The following EXOC6B variants were observed in gnomAD, a reference collection of about 807,000 sequenced individuals.
The protein encoded by EXOC6B is SEC15 homolog B.
A neutral mutation model predicts 113.5 loss-of-function variants in EXOC6B; 54 were observed. The observed-to-expected ratio is 0.48, with a 90% confidence interval of 0.38 to 0.60. The LOEUF (loss-of-function observed/expected upper bound fraction) is 0.60. Ranked by LOEUF, EXOC6B falls within the 20% of genes least tolerant of loss-of-function variation. EXOC6B has a pLI of 0.00. For missense variants in EXOC6B, 797 were observed against 977.5 expected (o/e 0.82, Z 2.46); for synonymous variants, 357 against 339.0 (o/e 1.05, Z -0.58).
At chr2:72,582,157 A>G (rs1311965591) in intron 6 of EXOC6B, among the ~76,000 whole-genome samples, 1 of 152,074 alleles carries the variant, frequency 6.6e-6, no homozygotes, top group Non-Finnish European at 1.5e-5. Flanking sequence ...GGTGAAAGAG[A>G]AGGGGAAATA....
At position 72,465,793 on chromosome 2, in the gene EXOC6B, C is replaced by T. The variant is rs192427572; in HGVS notation, c.1801-454G>A. On this transcript the variant is annotated intron_variant, in intron 17 of 21. Transcript: ENST00000272427. ...TACCTGCCACCACATTCAATATTCACTTTCATTCTGATCTTCCTTAACTTC... is the reference window on the plus strand; with the variant it reads ...TACCTGCCACCACATTCAATATTCATTTTCATTCTGATCTTCCTTAACTTC... 4.4e-3 allele frequency among the ~76,000 whole-genome samples: 667 copies of T among 152,276 alleles called. 3 individuals carry two copies. Among genetic ancestry groups the T allele is most frequent in the African/African-American group, 0.015 (632 of 41,564 alleles).
intron 6 of EXOC6B, among the ~76,000 whole-genome samples, chr2:72,600,321 A>G (rs533308763): frequency 1.3e-5 from 2 of 151,870 alleles, no homozygotes; most frequent in South Asian, 4.2e-4. Context: ...TACACCTGTT[A>G]GTCCCAGCTA....
intron 20 of EXOC6B, among the ~76,000 whole-genome samples, chr2:72,287,982 G>T (rs905599772): frequency 6.6e-6 from 1 of 152,002 alleles, no homozygotes; most frequent in Admixed American, 6.5e-5. Flanking sequence ...ACCTGAAAAG[G>T]CTATTTTATG....
chr2:72,699,880 G>A (rs1327036360), intron 6 of EXOC6B, among the ~76,000 whole-genome samples: 3 of 152,062 alleles, frequency 2.0e-5, no homozygotes, highest in Non-Finnish European at 4.4e-5. Flanking sequence ...TAAAAATATG[G>A]CTTTCTATAT....
intron 20 of EXOC6B, among the ~76,000 whole-genome samples, chr2:72,334,342 G>A (rs1688569878): frequency 1.3e-5 from 2 of 152,054 alleles, no homozygotes; most frequent in South Asian, 2.1e-4. Context: ...GTATGCCCAA[G>A]TATCAGCTTT....
chr2:72,443,522 C>T (rs1208233138), intron 18 of EXOC6B, among the ~76,000 whole-genome samples: 1 of 152,050 alleles, frequency 6.6e-6, no homozygotes, highest in Admixed American at 6.6e-5. Context: ...AAGCTGGACC[C>T]CTTTCTTACA....
intron 1 of EXOC6B, among the ~76,000 whole-genome samples, chr2:72,807,855 AAT>A (rs1240320817): frequency 6.6e-6 from 1 of 152,138 alleles, no homozygotes; most frequent in Non-Finnish European, 1.5e-5. Flanking sequence ...AAAAAAAAAA[AAT>A]CAAAAGAATA....
At chr2:72,745,138 T>A (rs1573728161) in intron 1 of EXOC6B, among the ~76,000 whole-genome samples, 1 of 152,142 alleles carries the variant, frequency 6.6e-6, no homozygotes, top group Non-Finnish European at 1.5e-5. Flanking sequence ...TGTAGAATAG[T>A]ATAAATAGGC....
chr2:72,376,531 T>C (rs1450879308), intron 19 of EXOC6B, among the ~76,000 whole-genome samples: 1 of 152,166 alleles, frequency 6.6e-6, no homozygotes, highest in Admixed American at 6.6e-5. Flanking sequence ...GATAACAATG[T>C]GCCTCAGTGT....
chr2:72,238,863 T>G (rs1682127568), intron 20 of EXOC6B, among the ~76,000 whole-genome samples: 2 of 152,146 alleles, frequency 1.3e-5, no homozygotes, highest in Admixed American at 1.3e-4. Context: ...TCCACTTTCT[T>G]GATGGTATTG....
At chr2:72,452,237 T>C (rs952874869) in intron 18 of EXOC6B, among the ~76,000 whole-genome samples, 3 of 152,108 alleles carry the variant, frequency 2.0e-5, no homozygotes, top group African/African-American at 4.8e-5. Flanking sequence ...TAAAGACAAA[T>C]AGTCATCTGA....
At position 72,523,780 on chromosome 2, in the gene EXOC6B, CAAAAAAAA is replaced by C. The variant is rs11334254; in HGVS notation, c.916-8662_916-8655del. On this transcript the variant is annotated intron_variant, in intron 8 of 21. Transcript: ENST00000272427. ...TGGGCGACAGAGCGAGACTCCATCT[CAAAAAAAA>C]AAAAAAAAAAAAAAAAAGATTTACT... Among the ~76,000 whole-genome samples, 24 of 63,726 alleles carry C rather than the reference CAAAAAAAA, an allele frequency of 3.8e-4. No individual in the cohort carries two copies. The Admixed American group carries it at 4.7e-3, about 13-fold the overall frequency. The allele number at this position is 63,726 out of a possible 152,430, so 41.8% of individuals were successfully genotyped here.
chr2:72,245,529 A>C (rs527529492), intron 20 of EXOC6B, among the ~76,000 whole-genome samples: 2 of 152,244 alleles, frequency 1.3e-5, no homozygotes, highest in African/African-American at 2.4e-5. Flanking sequence ...AGCAACCTTG[A>C]AAGCATATTG....
At chr2:72,467,991 G>A (rs187449939) in intron 17 of EXOC6B, among the ~76,000 whole-genome samples, 165 of 152,070 alleles carry the variant, frequency 1.1e-3, no homozygotes, top group Non-Finnish European at 2.0e-3. Context: ...GGCTGGTCTC[G>A]AACTCTTGAC....
intron 6 of EXOC6B, among the ~76,000 whole-genome samples, chr2:72,627,634 A>C (rs1390251504): frequency 6.6e-6 from 1 of 152,208 alleles, no homozygotes; most frequent in Non-Finnish European, 1.5e-5. Flanking sequence ...TAATTTGGCC[A>C]CCTTGGATGT....
At chr2:72,472,314 T>C (rs185801711) in intron 17 of EXOC6B, among the ~76,000 whole-genome samples, 3 of 152,266 alleles carry the variant, frequency 2.0e-5, no homozygotes, top group African/African-American at 7.2e-5. Context: ...TTGGTGGAAT[T>C]TGGTGGTGAA....
intron 6 of EXOC6B, among the ~76,000 whole-genome samples, chr2:72,589,411 C>G (rs1434756728): frequency 6.6e-6 from 1 of 151,918 alleles, no homozygotes; most frequent in Non-Finnish European, 1.5e-5. Flanking sequence ...TCATTTCCTT[C>G]TACCATCTTC....
At chr2:72,215,253 G>A (rs1421373549) in intron 20 of EXOC6B, among the ~76,000 whole-genome samples, 1 of 152,144 alleles carries the variant, frequency 6.6e-6, no homozygotes, top group Non-Finnish European at 1.5e-5. Flanking sequence ...GAGGTAGGAT[G>A]TTATGGAGGA....
At chr2:72,274,243 T>C (rs906598902) in intron 20 of EXOC6B, among the ~76,000 whole-genome samples, 1 of 152,094 alleles carries the variant, frequency 6.6e-6, no homozygotes, top group Non-Finnish European at 1.5e-5. Context: ...CACAGAAATA[T>C]AACACAGAAG....
Sources: allele counts gnomAD v4.1 joint callset (sites outside exome capture counted in the v4.1 genomes callset), GRCh38; gene constraint gnomAD v4.1.1; transcripts MANE v1.5; gene names NCBI Gene and HGNC (gene_info 2026-07-23, HGNC 2026-07-21).